The following ARID1A variants were observed in gnomAD, a reference collection of about 807,000 sequenced individuals.
ARID1A encodes the protein AT-rich interactive domain-containing protein 1A.
Under a neutral mutation model 212.6 loss-of-function variants are expected in ARID1A, and 20 were observed. The ratio of observed to expected loss-of-function variants is 0.09; its 90% CI spans 0.07 to 0.14. The LOEUF (loss-of-function observed/expected upper bound fraction) is 0.14, where lower values mean the gene tolerates loss of function less well. ARID1A is among the 10% of genes least tolerant of loss of function. The pLI is 1.00. For missense variants in ARID1A, 2,587 were observed against 3,059.0 expected (o/e 0.85, Z 3.64); for synonymous variants, 1,376 against 1,222.1 (o/e 1.13, Z -2.63).
chr1:26,762,939 T>G lies in ARID1A; in HGVS notation c.2420-34T>G, dbSNP rs369303061. 728 of 1,531,100 alleles carry G rather than the reference T, an allele frequency of 4.8e-4. 3 individuals are homozygous for G. Among genetic ancestry groups the G allele is most frequent in the Middle Eastern group, 3.6e-4 (2 of 5,504 alleles). 94.8% of individuals were successfully genotyped at this position (1,531,100 alleles called of 1,614,324 possible). On this transcript the variant is annotated intron_variant, in intron 7 of 19. Coordinates refer to ENST00000324856, the MANE Select transcript of ARID1A (RefSeq NM_006015.6). ...GAGATATTAGTGAGTTGCTAGTGAGTGACTAACCAAGTCTTGTCTTCCTCC... is the reference window on the plus strand; with the variant it reads ...GAGATATTAGTGAGTTGCTAGTGAGGGACTAACCAAGTCTTGTCTTCCTCC...
At chr1:26,748,310 A>G (rs1213689240) in intron 4 of ARID1A, among the ~76,000 whole-genome samples, 2 of 151,778 alleles carry the variant, frequency 1.3e-5, no homozygotes, top group Non-Finnish European at 2.9e-5. Context: ...TCCTTATTAC[A>G]CTTCTCATAC....
At chr1:26,710,527 A>ACACACACACG (rs915474721) in intron 1 of ARID1A, among the ~76,000 whole-genome samples, 4 of 150,380 alleles carry the variant, frequency 2.7e-5, no homozygotes, top group Admixed American at 1.3e-4. Flanking sequence ...ACACACACAC[A>ACACACACACG]CCACTTGTTG....
chr1:26,777,931 G>A (rs2081151900), intron 19 of ARID1A, among the ~76,000 whole-genome samples: 1 of 152,064 alleles, frequency 6.6e-6, no homozygotes, highest in African/African-American at 2.4e-5. Flanking sequence ...AGCCGGGCCT[G>A]GTGGCACACA....
chr1:26,720,041 A>T (rs1015713441), intron 1 of ARID1A, among the ~76,000 whole-genome samples: 1 of 150,950 alleles, frequency 6.6e-6, no homozygotes, highest in Admixed American at 6.6e-5. Flanking sequence ...TCACGAGGTC[A>T]GGTGTTTGAG....
chr1:26,772,282 C>T lies in ARID1A; in HGVS notation c.3407-218C>T, dbSNP rs916760676. ...TGGTGATGTCATGGCCACATCACTCCTCTTTTCTACACGTAAAACAAAAAC... is the reference window on the plus strand; with the variant it reads ...TGGTGATGTCATGGCCACATCACTCTTCTTTTCTACACGTAAAACAAAAAC... On this transcript the variant is annotated intron_variant, in intron 12 of 19. Coordinates refer to ENST00000324856, the MANE Select transcript of ARID1A (RefSeq NM_006015.6). The T allele has an allele frequency of 3.1e-4, 194 of 626,198 alleles. 1 individual carries two copies. Among genetic ancestry groups the T allele is most frequent in the Non-Finnish European group, 4.6e-5 (17 of 367,642 alleles). 38.8% of individuals were successfully genotyped at this position (626,198 alleles called of 1,614,324 possible).
In ARID1A at chr1:26,779,223, G is replaced by T. The variant is rs748868229; in HGVS notation, c.5325G>T (p.Glu1775Asp). The T allele has an allele frequency of 5.0e-6, 8 of 1,613,844 alleles. No individual in the cohort carries two copies. The African/African-American group carries it at 9.3e-5, about 19-fold the overall frequency. The part of the protein sequence containing the change: ...EEELLGPKLE[E>D]EEEEEVVEND... The stretch of plus-strand genomic sequence containing the variant: ...AACTTCTAGGTCCTAAACTAGAAGA[G>T]GAAGAAGAAGAGGAAGTAGTTGAAA... Residue 1775 changes from glutamate to aspartate, a missense_variant, in exon 20 of 20, where the codon GAG becomes GAT. Around this residue, in one of 11 missense-constraint regions of ARID1A, gnomAD observed 890 missense variants for 1,098.2 expected, o/e 0.81. Coordinates refer to ENST00000324856, the MANE Select transcript of ARID1A (RefSeq NM_006015.6).
Position 26,780,624 on chromosome 1 carries a change from C to A in ARID1A, c.6726C>A (p.Ala2242=). The A allele has an allele frequency of 6.2e-7, 1 of 1,613,302 alleles. No homozygotes were observed. The highest frequency in any genetic ancestry group is 8.5e-7 in the Non-Finnish European group (1 of 1,179,990). ...CTGCCCGCGCGCTGCTTGCCTTGGC[C>A]AAGGTGGACGAGAACCACTCAGAGT... is the stretch of plus-strand genomic sequence containing the variant. ...RRAARALLAL[A]KVDENHSEFT... Residue 2242 remains alanine, a synonymous_variant, in exon 20 of 20, where the codon GCC becomes GCA. Coordinates refer to ENST00000324856, the MANE Select transcript of ARID1A (RefSeq NM_006015.6). The surrounding 1 kb of genome is among the most constrained non-coding windows in gnomAD (Gnocchi z 7.2).
intron 4 of ARID1A, among the ~76,000 whole-genome samples, chr1:26,758,511 CAGG>C (rs1178604247): frequency 2.0e-5 from 3 of 151,734 alleles, no homozygotes; most frequent in Admixed American, 2.0e-4. Context: ...CCCAGCTACT[CAGG>C]AGGCTGAGGT....
chr1:26,772,820 A>C lies in ARID1A; in HGVS notation c.3548A>C (p.Asn1183Thr), dbSNP rs751957677. 6.2e-7 allele frequency: 1 copy of C among 1,613,886 alleles called. No individual in the cohort carries two copies. The highest frequency in any genetic ancestry group is 2.2e-5 in the East Asian group (1 of 44,878). The stretch of plus-strand genomic sequence containing the variant: ...TTTTCCTCACTCTGGAGCAGGAGCA[A>C]TTCAGTTGGGATCCAGGATGCCTTT... ...IPPLPGMSRS[N>T]SVGIQDAFND... Residue 1183 changes from asparagine to threonine, a missense_variant, in exon 14 of 20, where the codon AAT (asparagine) becomes ACT (threonine). Coordinates refer to ENST00000324856, the MANE Select transcript of ARID1A (RefSeq NM_006015.6).
rs372399811 is a variant in ARID1A, at chr1:26,703,224, T to C, written c.1137+5684T>C. ...TCACTACATCTTACTTGAAGGATTATGTGAGTAGATACAGTCTTTGTTTTT... is the reference window on the plus strand; with the variant it reads ...TCACTACATCTTACTTGAAGGATTACGTGAGTAGATACAGTCTTTGTTTTT... On this transcript the variant is annotated intron_variant, in intron 1 of 19. Coordinates refer to ENST00000324856, the MANE Select transcript of ARID1A (RefSeq NM_006015.6). Among the ~76,000 whole-genome samples the C allele has an allele frequency of 1.1e-4, 17 of 152,340 alleles. No individual in the cohort carries two copies. The East Asian group carries it at 3.3e-3, about 29-fold the overall frequency.
Position 26,717,985 on chromosome 1 carries a change from G to A in ARID1A, c.1138-11666G>A, listed in dbSNP as rs558429235. Among the ~76,000 whole-genome samples, 17 of 152,152 alleles carry A rather than the reference G, an allele frequency of 1.1e-4. 1 individual carries two copies. The highest frequency in any genetic ancestry group is 2.7e-4 in the African/African-American group (11 of 41,508). ...TTTGTTGTTATTTATTTTTGTTGTT[G>A]TTGTTTCTGAGATGAAGTTTGCTCT... On this transcript the variant is annotated intron_variant, in intron 1 of 19. Transcript: ENST00000324856.
chr1:26,749,499 G>C (rs1170372831), intron 4 of ARID1A, among the ~76,000 whole-genome samples: 2 of 152,154 alleles, frequency 1.3e-5, no homozygotes, highest in Non-Finnish European at 2.9e-5. Flanking sequence ...AATGGCTGCT[G>C]CAGTGACCCA....
Position 26,725,890 on chromosome 1 carries a change from T to C in ARID1A, c.1138-3761T>C, listed in dbSNP as rs1241659445. Among the ~76,000 whole-genome samples, 3 of 149,446 alleles carry C rather than the reference T, an allele frequency of 2.0e-5. No homozygotes were observed. The East Asian group carries it at 5.9e-4, about 29-fold the overall frequency. ...TTTTTTTTGAGACAGAGTCCCACTC[T>C]GTTGCCCAGGCTGGAGTGCGGTGGC... is the stretch of plus-strand genomic sequence containing the variant. On this transcript the variant is annotated intron_variant, in intron 1 of 19. Coordinates refer to ENST00000324856, the MANE Select transcript of ARID1A (RefSeq NM_006015.6).
intron 11 of ARID1A, 137 bp from the exon 12 acceptor site, chr1:26,770,982 C>G: frequency 1.3e-6 from 1 of 747,840 alleles, no homozygotes; most frequent in Non-Finnish European, 2.2e-6. Context: ...ATCCACCAAG[C>G]AAGATTAACT....
chr1:26,696,626 G>A lies in ARID1A; in HGVS notation c.223G>A (p.Asp75Asn). 1 of 1,272,558 alleles carries A rather than the reference G, an allele frequency of 7.9e-7. No homozygotes were observed. The highest frequency in any genetic ancestry group is 9.9e-7 in the Non-Finnish European group (1 of 1,013,830). 78.8% of individuals were successfully genotyped at this position (1,272,558 alleles called of 1,614,324 possible). Residue 75 changes from aspartate (D) to asparagine (N), a missense_variant, in exon 1 of 20, where the codon GAC becomes AAC. Asp to Asn is a conservative substitution (Grantham distance 23). Coordinates refer to ENST00000324856, the MANE Select transcript of ARID1A (RefSeq NM_006015.6). Reference sequence around the variant, plus strand: ...GCAGCCGCTGGGAAAGGAGCTGCAGGACGGGGCCGAGAGCAATGGGGGTGG... The same window carrying A: ...GCAGCCGCTGGGAAAGGAGCTGCAGAACGGGGCCGAGAGCAATGGGGGTGG... ...PPQPLGKELQ[D>N]GAESNGGGGG...
intron 1 of ARID1A, among the ~76,000 whole-genome samples, chr1:26,724,800 CTGCT>C (rs2080601262): frequency 6.6e-6 from 1 of 152,132 alleles, no homozygotes; most frequent in Non-Finnish European, 1.5e-5. Flanking sequence ...AGGGGTCTGT[CTGCT>C]AGCTGTTTGT....
intron 10 of ARID1A, among the ~76,000 whole-genome samples, chr1:26,766,968 A>G (rs1183430301): frequency 1.3e-5 from 2 of 152,206 alleles, no homozygotes; most frequent in East Asian, 1.9e-4. Flanking sequence ...AGCAGCAGGA[A>G]TGGTACCCTG....
At position 26,710,383 on chromosome 1, in the gene ARID1A, G is replaced by C. The variant is rs542673153; in HGVS notation, c.1137+12843G>C. Reference sequence around the variant, plus strand: ...TGGGAGGCAGAGGTTGCAGTGAGCCGAGATCACGCTTGAACCTGGGAGGCA... The same window carrying C: ...TGGGAGGCAGAGGTTGCAGTGAGCCCAGATCACGCTTGAACCTGGGAGGCA... On this transcript the variant is annotated intron_variant, in intron 1 of 19. Coordinates refer to ENST00000324856, the MANE Select transcript of ARID1A (RefSeq NM_006015.6). Among the ~76,000 whole-genome samples, 7 of 134,496 alleles carry C rather than the reference G, an allele frequency of 5.2e-5. No homozygotes were observed. The East Asian group carries it at 1.4e-3, about 27-fold the overall frequency. The allele number at this position is 134,496 out of a possible 152,430, so 88.2% of individuals were successfully genotyped here.
At chr1:26,722,876 TAGG>T (rs901180631) in intron 1 of ARID1A, among the ~76,000 whole-genome samples, 2 of 152,170 alleles carry the variant, frequency 1.3e-5, no homozygotes, top group African/African-American at 4.8e-5. Context: ...TGAGGCCAAA[TAGG>T]AGGTTAGAAA....
Sources: gnomAD v4.1 joint callset for allele counts (sites outside exome capture counted in the v4.1 genomes callset) on GRCh38, gnomAD v4.1.1 for gene constraint, gnomAD v4.1.1 regional missense constraint, Gnocchi (gnomAD v3.1) non-coding constraint, MANE v1.5 for transcripts, NCBI Gene and HGNC (gene_info 2026-07-23, HGNC 2026-07-21) for gene names.